PEAK1: variants seen among roughly 807,000 people sequenced by gnomAD.
PEAK1 encodes the protein inactive tyrosine-protein kinase PEAK1.
A neutral mutation model predicts 124.7 loss-of-function variants in PEAK1; 54 were observed. The observed-to-expected ratio is 0.43, with a 90% CI of 0.35 to 0.54. The LOEUF (loss-of-function observed/expected upper bound fraction) is 0.54. Ranked by LOEUF, PEAK1 falls within the 20% of genes least tolerant of loss-of-function variation. The pLI, the probability that PEAK1 is intolerant of heterozygous loss-of-function variation, is 0.01. For synonymous variants in PEAK1, 719 were observed against 760.0 expected (o/e 0.95, Z 0.89); for missense variants, 2,046 against 2,134.5 (o/e 0.96, Z 0.82).
chr15:77,375,503 G>A (rs952828109), intron 1 of PEAK1, among the ~76,000 whole-genome samples: 8 of 152,148 alleles, frequency 5.3e-5, no homozygotes, highest in Non-Finnish European at 1.0e-4. Context: ...GTGACTATCT[G>A]AATATCTAAG....
chr15:77,223,472 T>C (rs2059480648), intron 6 of PEAK1, among the ~76,000 whole-genome samples: 1 of 152,034 alleles, frequency 6.6e-6, no homozygotes, highest in Non-Finnish European at 1.5e-5. Context: ...TTCCACATGA[T>C]TTAACTATCA....
At chr15:77,350,150 C>G (rs192443744) in intron 2 of PEAK1, 1 of 985,266 alleles carries the variant, frequency 1.0e-6, no homozygotes, top group Admixed American at 6.1e-5. Context: ...AAAATGCATG[C>G]ACAAAAGTAA....
At chr15:77,253,992 GTAT>G (rs1270378459) in intron 5 of PEAK1, among the ~76,000 whole-genome samples, 1 of 151,928 alleles carries the variant, frequency 6.6e-6, no homozygotes, top group African/African-American at 2.4e-5. Flanking sequence ...GCTAATTTTT[GTAT>G]TTTTAGTAGA....
intron 9 of PEAK1, among the ~76,000 whole-genome samples, chr15:77,124,629 T>C (rs1204606174): frequency 6.6e-6 from 1 of 152,254 alleles, no homozygotes; most frequent in Non-Finnish European, 1.5e-5. Flanking sequence ...CCTGGACTAC[T>C]GCAATAGCAT....
In PEAK1 at chr15:77,346,163, T is replaced by G. The variant is rs1007534119; in HGVS notation, c.-603+19000A>C. ...TTGCCACTTTCCTCACCAATACCAA[T>G]AAATAAATTATTAAATCTACCCTTT... On this transcript the variant is annotated intron_variant, in intron 2 of 9. Transcript: ENST00000682557. 4 of 980,114 alleles carry G rather than the reference T, an allele frequency of 4.1e-6. No individual in the cohort carries two copies. The African/African-American group carries it at 7.0e-5, about 17-fold the overall frequency. The allele number at this position is 980,114 out of a possible 1,614,324, so 60.7% of individuals were successfully genotyped here. A position where few individuals can be genotyped will look rare whatever the true frequency, so the allele number is the denominator to read the frequency against.
chr15:77,411,803 G>T (rs990721898), intron 1 of PEAK1, among the ~76,000 whole-genome samples: 1 of 151,874 alleles, frequency 6.6e-6, no homozygotes, highest in East Asian at 1.9e-4. Flanking sequence ...TGGGGGTTGG[G>T]GGTGGGTCTC....
chr15:77,202,562 C>T (rs896928630), intron 6 of PEAK1, among the ~76,000 whole-genome samples: 4 of 151,078 alleles, frequency 2.6e-5, no homozygotes, highest in South Asian at 2.1e-4. Flanking sequence ...GTCAGGAGAT[C>T]GAGACCATCC....
At chr15:77,411,942 G>C (rs1371257750) in intron 1 of PEAK1, among the ~76,000 whole-genome samples, 1 of 152,094 alleles carries the variant, frequency 6.6e-6, no homozygotes. Context: ...TCAGGTATGT[G>C]GCCTTCTACT....
intron 6 of PEAK1, among the ~76,000 whole-genome samples, chr15:77,211,723 C>T (rs1182851968): frequency 2.0e-5 from 3 of 151,814 alleles, no homozygotes; most frequent in African/African-American, 7.3e-5. Context: ...TGGCAGGCAC[C>T]TGTAATCTCA....
intron 6 of PEAK1, among the ~76,000 whole-genome samples, chr15:77,201,330 C>T (rs1271751271): frequency 6.6e-6 from 1 of 150,546 alleles, no homozygotes; most frequent in Non-Finnish European, 1.5e-5. Flanking sequence ...CTCCACCTCC[C>T]GGGTTCACGC....
At chr15:77,170,929 G>A (rs1456849674) in intron 7 of PEAK1, among the ~76,000 whole-genome samples, 1 of 152,104 alleles carries the variant, frequency 6.6e-6, no homozygotes, top group Non-Finnish European at 1.5e-5. Context: ...AAAAATGATA[G>A]TTGAGAAATT....
At chr15:77,251,843 T>G (rs1236296398) in intron 6 of PEAK1, among the ~76,000 whole-genome samples, 1 of 152,214 alleles carries the variant, frequency 6.6e-6, no homozygotes, top group Non-Finnish European at 1.5e-5. Context: ...AATTTCTGCA[T>G]AAATCATCCC....
chr15:77,338,055 A>C, intron 2 of PEAK1: 1 of 981,076 alleles, frequency 1.0e-6, no homozygotes, highest in Non-Finnish European at 1.2e-6. Context: ...TAAAAATTTG[A>C]GCTTTTTTAG....
chr15:77,262,057 G>A (rs201271013), intron 5 of PEAK1, among the ~76,000 whole-genome samples: 1 of 152,138 alleles, frequency 6.6e-6, no homozygotes, highest in African/African-American at 2.4e-5. Flanking sequence ...ACAAGCAAAT[G>A]CTGAGAGATT....
intron 1 of PEAK1, chr15:77,419,479 AAGGGAGCAGGC>A: frequency 1.0e-6 from 1 of 984,992 alleles, no homozygotes; most frequent in Non-Finnish European, 1.2e-6. Context: ...CCGCGGCGCG[AAGGGAGCAGGC>A]AGGGAGCCAC....
intron 6 of PEAK1, among the ~76,000 whole-genome samples, chr15:77,230,323 C>T (rs1324454571): frequency 1.3e-5 from 2 of 151,982 alleles, no homozygotes; most frequent in Admixed American, 1.3e-4. Flanking sequence ...CCTCAGCCTC[C>T]CAAGTAGCTG....
At chr15:77,366,853 G>A (rs941970353) in intron 1 of PEAK1, among the ~76,000 whole-genome samples, 12 of 152,080 alleles carry the variant, frequency 7.9e-5, no homozygotes, top group African/African-American at 2.4e-4. Context: ...TGATCCATAC[G>A]CCCAGCAATT....
intron 6 of PEAK1, among the ~76,000 whole-genome samples, chr15:77,182,554 C>T (rs1257230986): frequency 6.6e-6 from 1 of 151,828 alleles, no homozygotes; most frequent in East Asian, 1.9e-4. Flanking sequence ...GAGTTCAAGA[C>T]CAGCCTGGCT....
intron 7 of PEAK1, among the ~76,000 whole-genome samples, chr15:77,171,536 A>C (rs572030095): frequency 1.1e-4 from 16 of 152,242 alleles, no homozygotes; most frequent in Middle Eastern, 3.4e-3. Flanking sequence ...AAAATGGGGG[A>C]AGAAAAGGAT....
Sources: gnomAD v4.1 joint callset for allele counts (sites outside exome capture counted in the v4.1 genomes callset) on GRCh38, gnomAD v4.1.1 for gene constraint, MANE v1.5 for transcripts, NCBI Gene and HGNC (gene_info 2026-07-23, HGNC 2026-07-21) for gene names.